Variants in ACVR1C observed in about 807,000 individuals in gnomAD.
ACVR1C encodes activin A receptor type 1C.
ACVR1C carries 23 observed loss-of-function variants against 57.9 expected under a neutral mutation model. The observed-to-expected ratio is 0.40, with a 90% confidence interval of 0.29 to 0.56. The LOEUF (loss-of-function observed/expected upper bound fraction) is 0.56, where lower values mean the gene tolerates loss of function less well. Among genes scored for constraint, ACVR1C ranks in the 20% least tolerant of loss-of-function variants. ACVR1C has a pLI of 0.50. For missense variants in ACVR1C, 480 were observed against 607.9 expected, an observed-to-expected ratio of 0.79 and a Z score of 2.21; for synonymous variants, 214 against 215.3, an observed-to-expected ratio of 0.99 and a Z score of 0.05.
intron 2 of ACVR1C, among the ~76,000 whole-genome samples, chr2:157,576,764 T>C (rs1426340864): frequency 6.6e-6 from 1 of 152,148 alleles, no homozygotes; most frequent in Non-Finnish European, 1.5e-5. Flanking sequence ...TGGAAGAGTT[T>C]GTGTAAGAAT....
intron 2 of ACVR1C, among the ~76,000 whole-genome samples, chr2:157,583,657 G>C (rs1435495442): frequency 6.6e-6 from 1 of 152,166 alleles, no homozygotes; most frequent in East Asian, 1.9e-4. Context: ...TTTGACGATA[G>C]TATAAGGCAT....
chr2:157,553,740 A>G (rs1687977313), intron 3 of ACVR1C, among the ~76,000 whole-genome samples: 2 of 152,188 alleles, frequency 1.3e-5, no homozygotes, highest in Non-Finnish European at 1.5e-5. Context: ...CTTATAAAGA[A>G]ATTATATAAG....
At position 157,582,122 on chromosome 2, in the gene ACVR1C, C is replaced by T. The variant is rs1459832288; in HGVS notation, c.304+5065G>A. 5.3e-5 allele frequency among the ~76,000 whole-genome samples: 8 copies of T among 152,052 alleles called. 1 individual carries two copies. The highest frequency in any genetic ancestry group is 4.2e-4 in the South Asian group (2 of 4,816). On this transcript the variant is annotated intron_variant, in intron 2 of 8. Coordinates refer to ENST00000243349, the MANE Select transcript of ACVR1C (RefSeq NM_145259.3). Reference sequence around the variant, plus strand: ...TGCTTAAGGCCATGAGTTTAAGATACGCCTGTGCAACATTGTAGGACCCCA... The same window carrying T: ...TGCTTAAGGCCATGAGTTTAAGATATGCCTGTGCAACATTGTAGGACCCCA...
At chr2:157,588,258 C>T (rs1388720170) in intron 1 of ACVR1C, among the ~76,000 whole-genome samples, 2 of 151,672 alleles carry the variant, frequency 1.3e-5, no homozygotes, top group African/African-American at 4.9e-5. Flanking sequence ...CACACACACA[C>T]ACACACACAA....
chr2:157,528,102 G>A lies in ACVR1C; in HGVS notation c.*5816C>T, dbSNP rs149898312. On this transcript the variant is annotated 3_prime_UTR_variant, in exon 9 of 9. Coordinates refer to ENST00000243349, the MANE Select transcript of ACVR1C (RefSeq NM_145259.3). ...ATTCTCATTTTCTGAAGATGTATAA[G>A]CCAGACCATTCTTTAAACACATATA... is the stretch of plus-strand genomic sequence containing the variant. 3.6e-4 allele frequency: 55 copies of A among 152,256 alleles called. No individual in the cohort carries two copies. Among genetic ancestry groups the A allele is most frequent in the African/African-American group, 1.3e-3 (53 of 41,550 alleles). The allele number at this position is 152,256 out of a possible 1,614,324, so 9.4% of individuals were successfully genotyped here. A position where few individuals can be genotyped will look rare whatever the true frequency, so the allele number is the denominator to read the frequency against.
chr2:157,604,361 A>G (rs1049788300), intron 1 of ACVR1C, among the ~76,000 whole-genome samples: 5 of 152,006 alleles, frequency 3.3e-5, no homozygotes, highest in Non-Finnish European at 7.4e-5. Context: ...AAACGAATGC[A>G]GTCTTTTGAG....
chr2:157,621,133 A>G (rs915305309), intron 1 of ACVR1C, among the ~76,000 whole-genome samples: 3 of 152,234 alleles, frequency 2.0e-5, no homozygotes, highest in Admixed American at 6.5e-5. Flanking sequence ...AGTCATACCT[A>G]GTGAATCACC....
chr2:157,540,561 G>A (rs1573904194), intron 7 of ACVR1C, among the ~76,000 whole-genome samples: 1 of 152,128 alleles, frequency 6.6e-6, no homozygotes, highest in East Asian at 1.9e-4. Context: ...CTCCCAAAGT[G>A]TTGGGATTAC....
chr2:157,625,180 T>C (rs994613504), intron 1 of ACVR1C, among the ~76,000 whole-genome samples: 1 of 152,200 alleles, frequency 6.6e-6, no homozygotes. Flanking sequence ...TATTCAAAAC[T>C]GAGCTCCTGT....
chr2:157,593,447 ATTAGT>A (rs1286686734), intron 1 of ACVR1C, among the ~76,000 whole-genome samples: 1 of 152,226 alleles, frequency 6.6e-6, no homozygotes, highest in Non-Finnish European at 1.5e-5. Context: ...TTTTCCAGAC[ATTAGT>A]TTATTCAATT....
In ACVR1C at chr2:157,556,191, G is replaced by C. The variant is rs773621817; in HGVS notation, c.446C>G (p.Pro149Arg). 4.3e-6 allele frequency: 7 copies of C among 1,613,932 alleles called. No homozygotes were observed. Among genetic ancestry groups the C allele is most frequent in the Non-Finnish European group, 5.1e-6 (6 of 1,179,938 alleles). Residue 149 changes from proline (P) to arginine (R), a missense_variant, in exon 3 of 9, where the codon CCA becomes CGA. By Grantham distance (103) the Pro-to-Arg change is moderately radical. Transcript: ENST00000243349. ...CTCAGAGAGTGGTTCCTCCACATTTGGTCTCTTTTTCTTCCTGTAGGAGCA... is the reference window on the plus strand; with the variant it reads ...CTCAGAGAGTGGTTCCTCCACATTTCGTCTCTTTTTCTTCCTGTAGGAGCA... ...RQCSYRKKKR[P>R]NVEEPLSECN...
At chr2:157,556,478 G>T (rs987919082) in intron 2 of ACVR1C, 146 bp from the exon 3 acceptor site, 1 of 1,062,916 alleles carries the variant, frequency 9.4e-7, no homozygotes, top group Non-Finnish European at 1.3e-6. Context: ...GCTCTCTGTG[G>T]TATAAGCAAA....
chr2:157,559,939 A>G (rs2105228651), intron 2 of ACVR1C, among the ~76,000 whole-genome samples: 1 of 151,208 alleles, frequency 6.6e-6, no homozygotes, highest in East Asian at 2.0e-4. Flanking sequence ...AAGGAAAGAG[A>G]GAGAGAAGCA....
intron 4 of ACVR1C, among the ~76,000 whole-genome samples, chr2:157,549,310 A>G (rs889472974): frequency 1.3e-5 from 2 of 152,160 alleles, no homozygotes; most frequent in African/African-American, 4.8e-5. Flanking sequence ...GGTTGCAGTG[A>G]GCTGAGATCG....
chr2:157,564,226 G>T (rs778122822), intron 2 of ACVR1C, among the ~76,000 whole-genome samples: 1 of 152,074 alleles, frequency 6.6e-6, no homozygotes, highest in Non-Finnish European at 1.5e-5. Flanking sequence ...TTAGACAAAG[G>T]TCCAGTATCC....
intron 2 of ACVR1C, among the ~76,000 whole-genome samples, chr2:157,561,444 T>C (rs919971652): frequency 6.6e-6 from 1 of 152,216 alleles, no homozygotes; most frequent in Admixed American, 6.5e-5. Context: ...TCCACCACTG[T>C]CAACTGAATG....
intron 5 of ACVR1C, 57 bp downstream of exon 5, chr2:157,544,384 ATAAC>A (rs1398373267): frequency 1.4e-6 from 2 of 1,445,368 alleles, no homozygotes; most frequent in Non-Finnish European, 9.3e-7. Context: ...AAATTAAAAT[ATAAC>A]TAAGTACCTC....
intron 2 of ACVR1C, among the ~76,000 whole-genome samples, chr2:157,563,636 C>CA (rs1412651496): frequency 6.6e-6 from 1 of 152,002 alleles, no homozygotes; most frequent in Non-Finnish European, 1.5e-5. Context: ...CATATGGAAC[C>CA]AAAAAAGAGC....
At chr2:157,586,274 TA>T (rs1005536084) in intron 2 of ACVR1C, among the ~76,000 whole-genome samples, 1 of 152,084 alleles carries the variant, frequency 6.6e-6, no homozygotes, top group African/African-American at 2.4e-5. Flanking sequence ...GTTTTTCAAT[TA>T]AAAGGTGGTT....
Sources: gnomAD v4.1 joint callset for allele counts (sites outside exome capture counted in the v4.1 genomes callset) on GRCh38, gnomAD v4.1.1 for gene constraint, MANE v1.5 for transcripts, NCBI Gene and HGNC (gene_info 2026-07-23, HGNC 2026-07-21) for gene names.